KATNIP: variants seen among roughly 807,000 people sequenced by gnomAD.
KATNIP encodes the protein katanin interacting protein, also known as katanin-interacting protein.
A neutral mutation model predicts 174.0 loss-of-function variants in KATNIP; 126 were observed. The observed-to-expected ratio is 0.72, with a 90% confidence interval of 0.63 to 0.84. The LOEUF (loss-of-function observed/expected upper bound fraction) is 0.84. Ranked by LOEUF, KATNIP falls within the 40% of genes least tolerant of loss-of-function variation. The pLI, the probability that KATNIP is intolerant of heterozygous loss-of-function variation, is 0.00. For missense variants in KATNIP, 1,958 were observed against 2,109.7 expected (o/e 0.93, Z 1.41); for synonymous variants, 810 against 835.7 (o/e 0.97, Z 0.53).
At position 27,624,629 on chromosome 16, in the gene KATNIP, A is replaced by C. The variant is rs1376125512; in HGVS notation, c.141-4032A>C. Among the ~76,000 whole-genome samples the C allele has an allele frequency of 3.3e-5, 5 of 152,164 alleles. No homozygotes were observed. In the East Asian group the frequency reaches 9.7e-4, roughly 29 times the overall value. ...CTAGGAGTTTGAGACCAGCCTGGAC[A>C]ACACAGGGAGACCCTGTCTCTACAA... On this transcript the variant is annotated intron_variant, in intron 3 of 27. Coordinates refer to ENST00000261588, the MANE Select transcript of KATNIP (RefSeq NM_015202.5).
Position 27,699,603 on chromosome 16 carries a change from A to T in KATNIP, c.1179+4A>T, listed in dbSNP as rs2079028734. The T allele has an allele frequency of 6.2e-7, 1 of 1,613,988 alleles. No individual in the cohort carries two copies. Among genetic ancestry groups the T allele is most frequent in the Non-Finnish European group, 8.5e-7 (1 of 1,180,002 alleles). On this transcript the variant is annotated splice_donor_region_variant and intron_variant, in intron 10 of 27. Transcript: ENST00000261588. ...GGAGAAGGAAGAGACCCTTGAGGTC[A>T]GTGCTAGGCAGAGATGAATGACAAA...
At chr16:27,619,416 G>C (rs1012805017) in intron 3 of KATNIP, among the ~76,000 whole-genome samples, 5 of 152,222 alleles carry the variant, frequency 3.3e-5, no homozygotes, top group African/African-American at 1.2e-4. Context: ...CCACAGAACT[G>C]GTGGGGGGAA....
chr16:27,701,727 C>A (rs752953046), intron 11 of KATNIP, 32 bp downstream of exon 11: 2 of 1,461,818 alleles, frequency 1.4e-6, no homozygotes, highest in Middle Eastern at 1.7e-4. Context: ...AACCCGAAAC[C>A]CCTTAGCAGT....
intron 13 of KATNIP, among the ~76,000 whole-genome samples, chr16:27,715,435 G>T (rs762173676): frequency 3.3e-5 from 5 of 152,114 alleles, no homozygotes; most frequent in Non-Finnish European, 7.4e-5. Context: ...AGAAAAAACG[G>T]ATAAGTCAGA....
Position 27,628,775 on chromosome 16 carries a change from G to A in KATNIP, c.255G>A (p.Arg85=), listed in dbSNP as rs1202788674. The A allele has an allele frequency of 6.2e-7, 1 of 1,614,076 alleles. No individual in the cohort carries two copies. The highest frequency in any genetic ancestry group is 8.5e-7 in the Non-Finnish European group (1 of 1,180,038). ...GANSELKSSP[R]KAIHSDFSRS... is the part of the protein sequence containing the mutation. ...ATTCGGAGCTGAAATCATCACCGCG[G>A]AAAGCTATTCACTCTGACTTCTCCA... The change falls in exon 4 of 28, where the codon CGG becomes CGA. Residue 85 remains arginine, a synonymous_variant. Coordinates refer to ENST00000261588, the MANE Select transcript of KATNIP (RefSeq NM_015202.5).
intron 1 of KATNIP, among the ~76,000 whole-genome samples, chr16:27,572,242 G>A (rs901410198): frequency 4.6e-5 from 7 of 151,510 alleles, no homozygotes; most frequent in African/African-American, 7.3e-5. Context: ...ATGGCAAAAC[G>A]CCCATCTCTA....
chr16:27,648,970 G>A (rs1460040439), intron 6 of KATNIP, among the ~76,000 whole-genome samples: 3 of 152,246 alleles, frequency 2.0e-5, no homozygotes, highest in Non-Finnish European at 4.4e-5. Flanking sequence ...TGACTTCTAA[G>A]GGTCACTAGC....
intron 6 of KATNIP, among the ~76,000 whole-genome samples, chr16:27,666,909 T>C (rs1241472594): frequency 6.6e-6 from 1 of 152,116 alleles, no homozygotes; most frequent in Non-Finnish European, 1.5e-5. Flanking sequence ...TGGTAATCTG[T>C]TATGGATTAC....
intron 19 of KATNIP, 39 bp from the exon 20 acceptor site, chr16:27,766,269 AC>A: frequency 5.0e-6 from 8 of 1,606,084 alleles, no homozygotes; most frequent in Non-Finnish European, 6.8e-6. Flanking sequence ...TCCTGTGCCC[AC>A]TGAGCCGCCC....
chr16:27,554,567 C>T (rs2141531110), intron 1 of KATNIP, among the ~76,000 whole-genome samples: 1 of 152,306 alleles, frequency 6.6e-6, no homozygotes, highest in East Asian at 1.9e-4. Context: ...CTTTGAGAAA[C>T]ATTGCTACAG....
In KATNIP at chr16:27,778,833, TC is replaced by T; in HGVS notation, c.*208del. 7.7e-6 allele frequency: 4 copies of T among 517,108 alleles called. No individual in the cohort carries two copies. The highest frequency in any genetic ancestry group is 6.8e-6 in the Non-Finnish European group (2 of 295,382). The allele number at this position is 517,108 out of a possible 1,614,324, so 32.0% of individuals were successfully genotyped here. ...TGGCTGTGGCTGCAGGGCAAAGAGATCCCCTGCAGTTCTGGGTTGGCCACAG... is the reference window on the plus strand; with the variant it reads ...TGGCTGTGGCTGCAGGGCAAAGAGATCCCTGCAGTTCTGGGTTGGCCACAG... On this transcript the variant is annotated 3_prime_UTR_variant, in exon 28 of 28. Transcript: ENST00000261588.
intron 1 of KATNIP, among the ~76,000 whole-genome samples, chr16:27,561,594 G>A (rs544520034): frequency 9.2e-5 from 14 of 152,298 alleles, no homozygotes; most frequent in East Asian, 3.9e-4. Context: ...ATGGGTAAAC[G>A]TAGCGCCTGG....
In KATNIP at chr16:27,654,222, C is replaced by T. The variant is rs532971939; in HGVS notation, c.540+5487C>T. Among the ~76,000 whole-genome samples the T allele has an allele frequency of 1.9e-4, 29 of 151,994 alleles. No individual in the cohort carries two copies. In the East Asian group the frequency reaches 2.9e-3, roughly 15 times the overall value. On this transcript the variant is annotated intron_variant, in intron 6 of 27. Transcript: ENST00000261588. Reference sequence around the variant, plus strand: ...AACTCCTGACCTCAGGTGATCTGCCCGCCTCAGCCTCCCAAAGTGCTAGGA... The same window carrying T: ...AACTCCTGACCTCAGGTGATCTGCCTGCCTCAGCCTCCCAAAGTGCTAGGA...
chr16:27,699,129 C>T (rs916054240), intron 9 of KATNIP, among the ~76,000 whole-genome samples: 2 of 152,178 alleles, frequency 1.3e-5, no homozygotes, highest in Non-Finnish European at 2.9e-5. Flanking sequence ...TTTTTCTTAG[C>T]TTGTCCCCCC....
At chr16:27,666,502 C>T (rs762117253) in intron 6 of KATNIP, among the ~76,000 whole-genome samples, 2 of 152,110 alleles carry the variant, frequency 1.3e-5, no homozygotes, top group African/African-American at 2.4e-5. Flanking sequence ...ACTACAACTT[C>T]TGCCTCCCGG....
chr16:27,713,516 G>A (rs2079680892), intron 13 of KATNIP, among the ~76,000 whole-genome samples: 1 of 151,436 alleles, frequency 6.6e-6, no homozygotes, highest in South Asian at 2.1e-4. Context: ...CGAGGCAGGA[G>A]GATCACTTGA....
Position 27,750,099 on chromosome 16 carries a change from G to C in KATNIP, c.3139G>C (p.Val1047Leu). The stretch of plus-strand genomic sequence containing the variant: ...GAACAGGACCCAGGATGACATGCAT[G>C]TCTGGCTGGCCCCCTTCACGCGGGG... Reference protein sequence around the residue: ...GVNRTQDDMHVWLAPFTRGRS... With the variant: ...GVNRTQDDMHLWLAPFTRGRS... Residue 1047 changes from valine to leucine, a missense_variant, in exon 16 of 28, where the codon GTC (valine) becomes CTC (leucine). By Grantham distance (32) the Val-to-Leu change is conservative (BLOSUM62 1). Coordinates refer to ENST00000261588, the MANE Select transcript of KATNIP (RefSeq NM_015202.5). 6.2e-7 allele frequency: 1 copy of C among 1,614,196 alleles called. No individual in the cohort carries two copies. Among genetic ancestry groups the C allele is most frequent in the Non-Finnish European group, 8.5e-7 (1 of 1,180,052 alleles).
At chr16:27,667,627 C>T (rs1435863643) in intron 6 of KATNIP, among the ~76,000 whole-genome samples, 1 of 152,092 alleles carries the variant, frequency 6.6e-6, no homozygotes, top group Non-Finnish European at 1.5e-5. Context: ...GTGATCTCTA[C>T]CCCCAAGACT....
intron 2 of KATNIP, among the ~76,000 whole-genome samples, chr16:27,612,337 A>G (rs1567493409): frequency 6.6e-6 from 1 of 152,176 alleles, no homozygotes; most frequent in Non-Finnish European, 1.5e-5. Flanking sequence ...TGTACCTCCC[A>G]GCTCAAGTTC....
Sources: allele counts gnomAD v4.1 joint callset (sites outside exome capture counted in the v4.1 genomes callset), GRCh38; gene constraint gnomAD v4.1.1; transcripts MANE v1.5; gene names NCBI Gene and HGNC (gene_info 2026-07-23, HGNC 2026-07-21).